The following TMEM132C variants were observed in gnomAD, a reference collection of about 807,000 sequenced individuals.
The protein encoded by TMEM132C is protein phosphatase 1, regulatory subunit 152.
Under a neutral mutation model 61.4 loss-of-function variants are expected in TMEM132C, and 29 were observed. That is an observed-to-expected ratio of 0.47 (90% CI 0.35 to 0.64). The LOEUF is 0.64. Among genes scored for constraint, TMEM132C ranks in the 30% least tolerant of loss-of-function variants. The probability of loss-of-function intolerance (pLI) is 0.00; values close to 1 mark genes in which losing one functional copy is unlikely to be tolerated. For synonymous variants in TMEM132C, 656 were observed against 633.1 expected (o/e 1.04, Z -0.54); for missense variants, 1,408 against 1,476.9 (o/e 0.95, Z 0.76).
intron 1 of TMEM132C, among the ~76,000 whole-genome samples, chr12:128,357,277 C>A (rs1189644514): frequency 6.6e-6 from 1 of 152,132 alleles, no homozygotes; most frequent in Admixed American, 6.5e-5. Context: ...GCCCTTCTGT[C>A]CTGCCACTTT....
At chr12:128,427,720 G>A (rs1042939090) in intron 2 of TMEM132C, among the ~76,000 whole-genome samples, 2 of 152,132 alleles carry the variant, frequency 1.3e-5, no homozygotes, top group African/African-American at 4.8e-5. Flanking sequence ...GAGAAGCCCG[G>A]CATCCTCACC....
rs561572424 is a variant in TMEM132C, at chr12:128,705,106, C to A, written c.2138C>A (p.Thr713Lys). 21 of 1,540,300 alleles carry A rather than the reference C, an allele frequency of 1.4e-5. No individual in the cohort carries two copies. Among genetic ancestry groups the A allele is most frequent in the Non-Finnish European group, 1.8e-5 (20 of 1,138,984 alleles). Reference sequence around the variant, plus strand: ...TCCCTGCAGGAGGCTGTATTCAGCACGTGGCTGCAGTTCAGTGATGGCTCT... The same window carrying A: ...TCCCTGCAGGAGGCTGTATTCAGCAAGTGGCTGCAGTTCAGTGATGGCTCT... The part of the protein sequence containing the change: ...RTPKQEAVFS[T>K]WLQFSDGSVT... Residue 713 changes from threonine to lysine, a missense_variant, in exon 9 of 9, where the codon ACG becomes AAG. By Grantham distance (78) the Thr-to-Lys change is moderately conservative. Transcript: ENST00000435159.
intron 1 of TMEM132C, among the ~76,000 whole-genome samples, chr12:128,313,127 G>A (rs748814937): frequency 2.0e-5 from 3 of 152,218 alleles, no homozygotes; most frequent in Non-Finnish European, 4.4e-5. Context: ...TCTGCTCTGG[G>A]TTGGGAAGGC....
intron 3 of TMEM132C, among the ~76,000 whole-genome samples, chr12:128,608,895 G>C (rs1224243355): frequency 6.6e-6 from 1 of 152,202 alleles, no homozygotes; most frequent in African/African-American, 2.4e-5. Context: ...CACTGGCATG[G>C]ATATGATTTG....
At chr12:128,320,753 C>T (rs1872304216) in intron 1 of TMEM132C, among the ~76,000 whole-genome samples, 1 of 150,126 alleles carries the variant, frequency 6.7e-6, no homozygotes, top group Non-Finnish European at 1.5e-5. Flanking sequence ...GTACTCCAGC[C>T]TGGGCGACAC....
At chr12:128,403,685 G>A (rs750622748) in intron 1 of TMEM132C, among the ~76,000 whole-genome samples, 16 of 148,268 alleles carry the variant, frequency 1.1e-4, no homozygotes, top group Non-Finnish European at 2.4e-4. Flanking sequence ...AGGCTCAAGA[G>A]TTTAAGGTAT....
At chr12:128,373,228 T>A (rs1375951534) in intron 1 of TMEM132C, among the ~76,000 whole-genome samples, 3 of 152,206 alleles carry the variant, frequency 2.0e-5, no homozygotes. Flanking sequence ...CATTTCTACC[T>A]CTTCAGGCAT....
At chr12:128,480,127 G>A (rs1395282315) in intron 2 of TMEM132C, among the ~76,000 whole-genome samples, 3 of 152,174 alleles carry the variant, frequency 2.0e-5, no homozygotes. Context: ...GACTTGGGTA[G>A]TGTGTGTCTG....
chr12:128,605,605 G>A (rs144902923), intron 3 of TMEM132C, among the ~76,000 whole-genome samples: 24 of 152,280 alleles, frequency 1.6e-4, no homozygotes, highest in East Asian at 1.3e-3. Context: ...GGTGCATTAC[G>A]GATCTGGTGT....
intron 4 of TMEM132C, among the ~76,000 whole-genome samples, chr12:128,654,764 C>T (rs989876426): frequency 6.6e-6 from 1 of 152,162 alleles, no homozygotes; most frequent in Non-Finnish European, 1.5e-5. Flanking sequence ...TACACTGTTG[C>T]ACTGTGCTAA....
chr12:128,544,020 C>T lies in TMEM132C; in HGVS notation c.1038C>T (p.Gly346=), dbSNP rs775604382. ...AGACCCGTGAGCCCCGGCAGTGGGGCGTCAAGCAGGAGGTGGGCAGCGGCG... is the reference window on the plus strand; with the variant it reads ...AGACCCGTGAGCCCCGGCAGTGGGGTGTCAAGCAGGAGGTGGGCAGCGGCG... The part of the protein sequence containing the change: ...SAQTREPRQW[G]VKQEVGSGGK... The change falls in exon 3 of 9, where the codon GGC becomes GGT. Residue 346 remains glycine, a synonymous_variant. Coordinates refer to ENST00000435159, the MANE Select transcript of TMEM132C (RefSeq NM_001136103.3). The T allele has an allele frequency of 2.4e-5, 37 of 1,548,756 alleles. No homozygotes were observed. Among genetic ancestry groups the T allele is most frequent in the East Asian group, 4.9e-5 (2 of 40,680 alleles).
intron 2 of TMEM132C, among the ~76,000 whole-genome samples, chr12:128,503,402 C>T (rs139596318): frequency 6.8e-4 from 104 of 152,334 alleles, no homozygotes; most frequent in Middle Eastern, 3.4e-3. Flanking sequence ...CTGTGCTGAA[C>T]TCTTCCTCCT....
At chr12:128,416,980 C>T (rs1868802992) in intron 2 of TMEM132C, among the ~76,000 whole-genome samples, 1 of 152,088 alleles carries the variant, frequency 6.6e-6, no homozygotes, top group Non-Finnish European at 1.5e-5. Context: ...ATGCTGACAT[C>T]ATGGTGGGGA....
intron 2 of TMEM132C, among the ~76,000 whole-genome samples, chr12:128,499,945 T>A (rs1872102692): frequency 6.6e-6 from 1 of 152,194 alleles, no homozygotes; most frequent in Non-Finnish European, 1.5e-5. Context: ...TATTTTTAGT[T>A]TTTGAGGAGC....
chr12:128,276,039 C>T (rs12296199), intron 1 of TMEM132C, among the ~76,000 whole-genome samples: 8,902 of 152,122 alleles, frequency 0.059, 801 homozygotes, highest in African/African-American at 0.19. Context: ...ATAAGGATAC[C>T]GGTCATTGGA....
intron 1 of TMEM132C, among the ~76,000 whole-genome samples, chr12:128,411,943 G>A (rs553917743): frequency 6.6e-6 from 1 of 152,160 alleles, no homozygotes; most frequent in Non-Finnish European, 1.5e-5. Flanking sequence ...TTCACAATAT[G>A]TTTCTTATCT....
intron 2 of TMEM132C, among the ~76,000 whole-genome samples, chr12:128,417,744 CAG>C (rs2136024217): frequency 6.6e-6 from 1 of 152,322 alleles, no homozygotes; most frequent in Non-Finnish European, 1.5e-5. Flanking sequence ...ATATTACTAA[CAG>C]GGCTGTTTTT....
At chr12:128,553,629 C>A (rs187551200) in intron 3 of TMEM132C, among the ~76,000 whole-genome samples, 1 of 152,162 alleles carries the variant, frequency 6.6e-6, no homozygotes, top group Non-Finnish European at 1.5e-5. Flanking sequence ...TTGTTCTCAG[C>A]GTTTTAGTAT....
chr12:128,507,396 T>C (rs1872403782), intron 2 of TMEM132C, among the ~76,000 whole-genome samples: 1 of 133,020 alleles, frequency 7.5e-6, no homozygotes, highest in East Asian at 2.2e-4. Flanking sequence ...TTTTTTTTTT[T>C]TCTTTCTTTT....
Sources: allele counts gnomAD v4.1 joint callset (sites outside exome capture counted in the v4.1 genomes callset), GRCh38; gene constraint gnomAD v4.1.1; transcripts MANE v1.5; gene names NCBI Gene and HGNC (gene_info 2026-07-23, HGNC 2026-07-21).